WWOX: variants seen among roughly 807,000 people sequenced by gnomAD.
WWOX encodes WW domain-containing oxidoreductase.
Under a neutral mutation model 46.2 loss-of-function variants are expected in WWOX, and 69 were observed. That is an observed-to-expected ratio of 1.49 (90% CI 1.23 to 1.82). The LOEUF (loss-of-function observed/expected upper bound fraction) is 1.82. WWOX is among the 40% of genes most tolerant of loss of function. The pLI is 0.00. For synonymous variants in WWOX, 359 were observed against 202.6 expected (o/e 1.77, Z -6.56); for missense variants, 919 against 542.6 (o/e 1.69, Z -6.89).
chr16:78,988,062 G>C (rs772019660), intron 8 of WWOX, among the ~76,000 whole-genome samples: 33 of 152,040 alleles, frequency 2.2e-4, no homozygotes, highest in Non-Finnish European at 4.3e-4. Context: ...CGAATTTCTG[G>C]TCTGGTGCTG....
At chr16:79,138,491 C>T (rs544991094) in intron 8 of WWOX, among the ~76,000 whole-genome samples, 13 of 152,320 alleles carry the variant, frequency 8.5e-5, no homozygotes, top group Admixed American at 3.3e-4. Flanking sequence ...ACAACTGCCT[C>T]ACTCCTGTGG....
chr16:78,197,374 C>A (rs2036087784), intron 5 of WWOX, among the ~76,000 whole-genome samples: 1 of 152,190 alleles, frequency 6.6e-6, no homozygotes, highest in African/African-American at 2.4e-5. Context: ...CCCACCACAC[C>A]ACATCAAGTA....
chr16:79,178,011 T>C (rs539878061), intron 8 of WWOX, among the ~76,000 whole-genome samples: 1 of 152,276 alleles, frequency 6.6e-6, no homozygotes, highest in South Asian at 2.1e-4. Flanking sequence ...TGTGTCAACT[T>C]AGTGGGAGGG....
At chr16:78,642,055 A>G (rs181214995) in intron 8 of WWOX, among the ~76,000 whole-genome samples, 1 of 152,230 alleles carries the variant, frequency 6.6e-6, no homozygotes, top group East Asian at 1.9e-4. Flanking sequence ...ACACTTAAAT[A>G]CTCCAGTACA....
chr16:78,208,719 C>T (rs1275672370), intron 5 of WWOX, among the ~76,000 whole-genome samples: 1 of 152,156 alleles, frequency 6.6e-6, no homozygotes, highest in African/African-American at 2.4e-5. Context: ...GTTTGAAGCT[C>T]ACTTCAATGG....
At position 79,067,440 on chromosome 16, in the gene WWOX, G is replaced by T. The variant is rs189991688; in HGVS notation, c.1057-144168G>T. Among the ~76,000 whole-genome samples, 689 of 152,020 alleles carry T rather than the reference G, an allele frequency of 4.5e-3. 4 individuals are homozygous for T. Among genetic ancestry groups the T allele is most frequent in the African/African-American group, 0.016 (660 of 41,456 alleles). ...CTTAAAAACTTTATGAAAACTCCACGTTTGGGCTTCCCTCCACCTGAGATG... is the reference window on the plus strand; with the variant it reads ...CTTAAAAACTTTATGAAAACTCCACTTTTGGGCTTCCCTCCACCTGAGATG... On this transcript the variant is annotated intron_variant, in intron 8 of 8. Coordinates refer to ENST00000566780, the MANE Select transcript of WWOX (RefSeq NM_016373.4).
intron 8 of WWOX, among the ~76,000 whole-genome samples, chr16:78,752,575 A>G (rs1178239307): frequency 3.3e-5 from 5 of 152,208 alleles, no homozygotes; most frequent in African/African-American, 7.2e-5. Flanking sequence ...CTGGCCAAGA[A>G]TATTCTTTCT....
chr16:78,567,575 AG>A (rs1175951048), intron 8 of WWOX, among the ~76,000 whole-genome samples: 6 of 148,628 alleles, frequency 4.0e-5, no homozygotes, highest in African/African-American at 7.4e-5. Context: ...AAAAAAAAAA[AG>A]AAGTGAGTTT....
At chr16:79,165,313 T>C (rs945550757) in intron 8 of WWOX, among the ~76,000 whole-genome samples, 7 of 152,144 alleles carry the variant, frequency 4.6e-5, no homozygotes, top group Admixed American at 3.3e-4. Flanking sequence ...TGGGTGCGTA[T>C]ATGTTACAGA....
chr16:78,951,924 C>T (rs1407323691), intron 8 of WWOX, among the ~76,000 whole-genome samples: 1 of 152,118 alleles, frequency 6.6e-6, no homozygotes. Flanking sequence ...GCCATTGTTT[C>T]CTTCCATAAT....
At chr16:78,299,367 C>G (rs62035712) in intron 5 of WWOX, among the ~76,000 whole-genome samples, 1 of 151,930 alleles carries the variant, frequency 6.6e-6, no homozygotes, top group Non-Finnish European at 1.5e-5. Flanking sequence ...AGAGTGAACC[C>G]TGATTACCTA....
At chr16:78,886,368 T>G (rs971860570) in intron 8 of WWOX, among the ~76,000 whole-genome samples, 10 of 151,954 alleles carry the variant, frequency 6.6e-5, no homozygotes, top group African/African-American at 2.4e-4. Context: ...TTACTCAATA[T>G]TAATTATATG....
intron 8 of WWOX, among the ~76,000 whole-genome samples, chr16:78,454,288 T>C (rs796522057): frequency 6.6e-5 from 10 of 152,340 alleles, no homozygotes; most frequent in African/African-American, 2.4e-4. Flanking sequence ...ACAGCATCTC[T>C]CAAACTTTTT....
intron 5 of WWOX, among the ~76,000 whole-genome samples, chr16:78,343,494 A>T (rs1263523386): frequency 8.3e-6 from 1 of 120,616 alleles, no homozygotes; most frequent in Admixed American, 8.1e-5. Context: ...GCCTCTCATC[A>T]TGTAAGGTGA....
rs1057299931 is a variant in WWOX, at chr16:78,389,762, AT to A, written c.605+2820del. Among the ~76,000 whole-genome samples, 334 of 151,952 alleles carry A rather than the reference AT, an allele frequency of 2.2e-3. 1 individual carries two copies. Among genetic ancestry groups the A allele is most frequent in the African/African-American group, 7.6e-3 (316 of 41,462 alleles). Reference sequence around the variant, plus strand: ...TTTCATTTTAGTTTATTTTTTATTTATTTTTTGAGACAGGGTCTCGCTGTGT... The same window carrying A: ...TTTCATTTTAGTTTATTTTTTATTTATTTTTGAGACAGGGTCTCGCTGTGT... On this transcript the variant is annotated intron_variant, in intron 6 of 8. Coordinates refer to ENST00000566780, the MANE Select transcript of WWOX (RefSeq NM_016373.4).
At chr16:79,137,158 A>T (rs889078690) in intron 8 of WWOX, among the ~76,000 whole-genome samples, 5 of 152,220 alleles carry the variant, frequency 3.3e-5, no homozygotes, top group Non-Finnish European at 5.9e-5. Context: ...TAGCAGGCAC[A>T]TGCAACGTCC....
intron 8 of WWOX, among the ~76,000 whole-genome samples, chr16:79,049,697 G>T (rs1479885457): frequency 6.6e-6 from 1 of 152,032 alleles, no homozygotes; most frequent in Non-Finnish European, 1.5e-5. Flanking sequence ...TTAGCCTGGC[G>T]TGGTGGCCGG....
chr16:78,202,979 C>T (rs2036280392), intron 5 of WWOX, among the ~76,000 whole-genome samples: 1 of 152,190 alleles, frequency 6.6e-6, no homozygotes. Flanking sequence ...GTACCAGTTC[C>T]TGCACAGGCT....
chr16:78,676,852 G>A (rs2047611475), intron 8 of WWOX, among the ~76,000 whole-genome samples: 1 of 152,036 alleles, frequency 6.6e-6, no homozygotes, highest in Non-Finnish European at 1.5e-5. Context: ...TTTTCTTAAA[G>A]GTGCAGTATT....
Sources: allele counts gnomAD v4.1 joint callset (sites outside exome capture counted in the v4.1 genomes callset), GRCh38; gene constraint gnomAD v4.1.1; transcripts MANE v1.5; gene names NCBI Gene and HGNC (gene_info 2026-07-23, HGNC 2026-07-21).